Variants in PTPRO observed in about 807,000 individuals in gnomAD.
PTPRO encodes the protein protein tyrosine phosphatase receptor type O.
In PTPRO, 62 loss-of-function variants were observed where a neutral mutation model predicts 145.2. The observed-to-expected ratio is 0.43, with a 90% confidence interval of 0.35 to 0.53. The LOEUF is 0.53. Among genes scored for constraint, PTPRO ranks in the 20% least tolerant of loss-of-function variants. PTPRO has a pLI of 0.01. For missense variants in PTPRO, 1,345 were observed against 1,482.7 expected (o/e 0.91, Z 1.53); for synonymous variants, 565 against 514.7 (o/e 1.10, Z -1.32).
intron 1 of PTPRO, among the ~76,000 whole-genome samples, chr12:15,433,962 G>A (rs542023096): frequency 6.6e-6 from 1 of 152,138 alleles, no homozygotes; most frequent in Non-Finnish European, 1.5e-5. Context: ...GTTGGTCTGT[G>A]CCTTAAGTTT....
At chr12:15,506,932 A>G (rs1942332138) in intron 6 of PTPRO, among the ~76,000 whole-genome samples, 1 of 152,148 alleles carries the variant, frequency 6.6e-6, no homozygotes, top group African/African-American at 2.4e-5. Context: ...TCTTAGTGCA[A>G]TTATCGTATC....
intron 12 of PTPRO, among the ~76,000 whole-genome samples, chr12:15,526,670 TTA>T (rs893124984): frequency 2.6e-5 from 4 of 152,114 alleles, no homozygotes; most frequent in African/African-American, 9.7e-5. Context: ...TTTTTAAATT[TTA>T]TATAGTTTCC....
chr12:15,436,031 A>G (rs11056484), intron 1 of PTPRO, among the ~76,000 whole-genome samples: 5,290 of 152,272 alleles, frequency 0.035, 285 homozygotes, highest in East Asian at 0.14. Context: ...TGACTACTGG[A>G]TACATAACGA....
intron 15 of PTPRO, among the ~76,000 whole-genome samples, chr12:15,555,018 T>C (rs1314108640): frequency 6.6e-6 from 1 of 152,086 alleles, no homozygotes; most frequent in East Asian, 1.9e-4. Flanking sequence ...GGCAGCTCAC[T>C]TGAGGTCAGG....
rs758248645 is a variant in PTPRO, at chr12:15,484,165, T to C, written c.267T>C (p.His89=). Residue 89 remains histidine (H), a synonymous_variant, in exon 2 of 27, where the codon CAT becomes CAC. Transcript: ENST00000281171. The part of the protein sequence containing the change: ...PPPVIFKASY[H]GLYYIITLVV... ...CTGTTATTTTCAAGGCCAGTTATCA[T>C]GGCCTTTATTATATAATCACTCTGG... 3 of 1,613,742 alleles carry C rather than the reference T, an allele frequency of 1.9e-6. No individual in the cohort carries two copies. The highest frequency in any genetic ancestry group is 2.2e-5 in the South Asian group (2 of 91,072).
chr12:15,575,691 A>G (rs907896666), intron 19 of PTPRO, among the ~76,000 whole-genome samples: 1 of 152,194 alleles, frequency 6.6e-6, no homozygotes, highest in Non-Finnish European at 1.5e-5. Context: ...AATTACCACA[A>G]TTGTCGTGGT....
At chr12:15,594,039 G>T (rs1326697662) in intron 25 of PTPRO, among the ~76,000 whole-genome samples, 1 of 152,016 alleles carries the variant, frequency 6.6e-6, no homozygotes, top group Non-Finnish European at 1.5e-5. Flanking sequence ...TTACTTATTT[G>T]TCTATTTGTA....
In PTPRO at chr12:15,369,913, G is replaced by A. The variant is rs372438103; in HGVS notation, c.75+47112G>A. ...CTACAAATACAAAACTTAGCCAGGC[G>A]TGGTGGCAGGCACCTGTAGTCCCAG... On this transcript the variant is annotated intron_variant, in intron 1 of 26. Transcript: ENST00000281171. Among the ~76,000 whole-genome samples, 34 of 152,104 alleles carry A rather than the reference G, an allele frequency of 2.2e-4. No homozygotes were observed. In the East Asian group the frequency reaches 2.5e-3, roughly 11 times the overall value.
intron 14 of PTPRO, 110 bp from the exon 15 acceptor site, chr12:15,551,441 G>T: frequency 7.5e-7 from 1 of 1,324,704 alleles, no homozygotes. Flanking sequence ...TACTATTATT[G>T]GTATCATCGT....
chr12:15,365,284 A>G (rs1938327366), intron 1 of PTPRO, among the ~76,000 whole-genome samples: 1 of 152,166 alleles, frequency 6.6e-6, no homozygotes, highest in Non-Finnish European at 1.5e-5. Context: ...ATGATCGTCC[A>G]ATGTATGTAA....
In PTPRO at chr12:15,361,245, G is replaced by C. The variant is rs1938197690; in HGVS notation, c.75+38444G>C. Among the ~76,000 whole-genome samples the C allele has an allele frequency of 2.0e-5, 3 of 151,530 alleles. No homozygotes were observed. The South Asian group carries it at 6.3e-4, about 32-fold the overall frequency. On this transcript the variant is annotated intron_variant, in intron 1 of 26. Coordinates refer to ENST00000281171, the MANE Select transcript of PTPRO (RefSeq NM_030667.3). ...GAGGTTAGGAGATCAAGACCAGCCTGGCCAGCATGGTGAAAACCCATCTTT... is the reference window on the plus strand; with the variant it reads ...GAGGTTAGGAGATCAAGACCAGCCTCGCCAGCATGGTGAAAACCCATCTTT...
rs147408960 is a variant in PTPRO at position 15,336,404 on chromosome 12, C to T, written c.75+13603C>T. 4.5e-3 allele frequency among the ~76,000 whole-genome samples: 682 copies of T among 151,916 alleles called. 6 individuals are homozygous for T. Among genetic ancestry groups the T allele is most frequent in the Non-Finnish European group, 7.2e-3 (489 of 67,978 alleles). On this transcript the variant is annotated intron_variant, in intron 1 of 26. Transcript: ENST00000281171. ...CCAAGTGTATTTGCATTGTTAAAGA[C>T]GTAGATGATCATAGATACAGATTGT... is the stretch of plus-strand genomic sequence containing the variant.
chr12:15,517,715 A>G (rs541449398), intron 9 of PTPRO, among the ~76,000 whole-genome samples: 1 of 152,358 alleles, frequency 6.6e-6, no homozygotes, highest in East Asian at 1.9e-4. Flanking sequence ...CCACTGGGAC[A>G]GTCAAATCTC....
In PTPRO at chr12:15,574,681, C is replaced by A. The variant is rs1265322055; in HGVS notation, c.2830-4172C>A. Among the ~76,000 whole-genome samples the A allele has an allele frequency of 4.6e-5, 7 of 152,298 alleles. No individual in the cohort carries two copies. In the East Asian group the frequency reaches 1.2e-3, roughly 25 times the overall value. ...GTAATCTTAGTATTGTTTGAATAAA[C>A]CCCCTTTCCTTTAGTCTAAACTAGT... On this transcript the variant is annotated intron_variant, in intron 19 of 26. Coordinates refer to ENST00000281171, the MANE Select transcript of PTPRO (RefSeq NM_030667.3).
At chr12:15,513,910 A>G (rs992480202) in intron 7 of PTPRO, among the ~76,000 whole-genome samples, 2 of 152,194 alleles carry the variant, frequency 1.3e-5, no homozygotes, top group Admixed American at 6.5e-5. Context: ...ATAAACCCCC[A>G]TGCTAATAAT....
chr12:15,343,735 C>T (rs1174264135), intron 1 of PTPRO, among the ~76,000 whole-genome samples: 2 of 152,206 alleles, frequency 1.3e-5, no homozygotes, highest in Non-Finnish European at 2.9e-5. Context: ...GAGTCTCGCT[C>T]TGTCGCCCAG....
intron 1 of PTPRO, among the ~76,000 whole-genome samples, chr12:15,436,021 T>TG (rs1489914930): frequency 6.6e-6 from 1 of 152,212 alleles, no homozygotes; most frequent in Non-Finnish European, 1.5e-5. Context: ...TGCTCCTGAA[T>TG]GACTACTGGA....
intron 15 of PTPRO, among the ~76,000 whole-genome samples, chr12:15,553,036 G>C (rs541216180): frequency 6.6e-6 from 1 of 152,150 alleles, no homozygotes; most frequent in South Asian, 2.1e-4. Context: ...CTGACCTTAA[G>C]TAATCTGCCC....
intron 1 of PTPRO, among the ~76,000 whole-genome samples, chr12:15,441,931 A>C (rs1056663866): frequency 2.0e-5 from 3 of 152,026 alleles, no homozygotes; most frequent in Non-Finnish European, 4.4e-5. Context: ...GATGTACAAA[A>C]AGCTGGTACC....
Sources: allele counts gnomAD v4.1 joint callset (sites outside exome capture counted in the v4.1 genomes callset), GRCh38; gene constraint gnomAD v4.1.1; transcripts MANE v1.5; gene names NCBI Gene and HGNC (gene_info 2026-07-23, HGNC 2026-07-21).